KAZN: variants seen among roughly 807,000 people sequenced by gnomAD.
KAZN encodes the protein kazrin.
KAZN carries 40 observed loss-of-function variants against 87.4 expected under a neutral mutation model. That is an observed-to-expected ratio of 0.46 (90% CI 0.36 to 0.60). The LOEUF (loss-of-function observed/expected upper bound fraction) is 0.60. KAZN is among the 20% of genes least tolerant of loss of function. The probability of loss-of-function intolerance (pLI) is 0.00; values close to 1 mark genes in which losing one functional copy is unlikely to be tolerated. For missense variants in KAZN, 898 were observed against 1,073.9 expected (o/e 0.84, Z 2.29); for synonymous variants, 466 against 458.3 (o/e 1.02, Z -0.22).
At chr1:14,924,606 C>T (rs974182339) in intron 1 of KAZN, 5 of 1,000,640 alleles carry the variant, frequency 5.0e-6, no homozygotes, top group Non-Finnish European at 4.8e-6. Context: ...GGGCGGGCGG[C>T]GCGGACACAG....
chr1:14,697,185 C>G (rs1203329366), intron 1 of KAZN, among the ~76,000 whole-genome samples: 1 of 150,214 alleles, frequency 6.7e-6, no homozygotes, highest in Non-Finnish European at 1.5e-5. Flanking sequence ...AATAATTGAC[C>G]AGGCAGGGTG....
At chr1:14,229,898 C>A (rs1647648663) in intron 2 of KAZN, among the ~76,000 whole-genome samples, 1 of 152,270 alleles carries the variant, frequency 6.6e-6, no homozygotes, top group Non-Finnish European at 1.5e-5. Flanking sequence ...CTGCCTCCAG[C>A]AGAGCCATAT....
intron 1 of KAZN, among the ~76,000 whole-genome samples, chr1:14,694,204 C>A (rs898335221): frequency 3.9e-5 from 6 of 152,228 alleles, no homozygotes; most frequent in African/African-American, 7.2e-5. Context: ...TCTCAGCTGA[C>A]CCCTCCACCT....
chr1:13,893,811 C>A, intron 1 of KAZN: 1 of 1,540,890 alleles, frequency 6.5e-7, no homozygotes, highest in Non-Finnish European at 8.8e-7. Flanking sequence ...GAGCGTTATC[C>A]CGGGTCCCCA....
chr1:14,175,610 AAAAG>A (rs1204277661), intron 1 of KAZN, among the ~76,000 whole-genome samples: 10 of 152,332 alleles, frequency 6.6e-5, no homozygotes, highest in African/African-American at 2.4e-4. Flanking sequence ...TAGTGTACGC[AAAAG>A]AAAGAAACAA....
chr1:14,186,573 G>C (rs975091374), intron 2 of KAZN, among the ~76,000 whole-genome samples: 1 of 152,140 alleles, frequency 6.6e-6, no homozygotes, highest in African/African-American at 2.4e-5. Context: ...CTTTGATCAA[G>C]ATTCAAATTC....
At chr1:14,336,155 G>A (rs150330839) in intron 2 of KAZN, among the ~76,000 whole-genome samples, 25 of 152,300 alleles carry the variant, frequency 1.6e-4, no homozygotes, top group African/African-American at 5.3e-4. Context: ...ACCAAAGAAT[G>A]GAGGCTACTA....
At chr1:14,816,577 G>C (rs1022572522) in intron 1 of KAZN, among the ~76,000 whole-genome samples, 5 of 152,132 alleles carry the variant, frequency 3.3e-5, no homozygotes, top group Admixed American at 1.3e-4. Flanking sequence ...GGGTATACAA[G>C]CAAGAGGGAG....
chr1:14,417,011 TACACACACACACACAC>T (rs58667891), intron 2 of KAZN, among the ~76,000 whole-genome samples: 14 of 145,516 alleles, frequency 9.6e-5, no homozygotes, highest in African/African-American at 3.3e-4. Context: ...TATATATATG[TACACACACACACACAC>T]ACACACACAC....
intron 1 of KAZN, chr1:14,692,028 C>A: frequency 4.7e-6 from 1 of 212,970 alleles, no homozygotes. Context: ...TCTTATACTA[C>A]CTGAACACAC....
intron 2 of KAZN, among the ~76,000 whole-genome samples, chr1:14,446,027 C>CAA (rs34266613): frequency 5.4e-4 from 74 of 137,136 alleles, no homozygotes; most frequent in East Asian, 1.5e-3. Flanking sequence ...CCCATCTCTA[C>CAA]AAAAAAAAAA....
intron 2 of KAZN, among the ~76,000 whole-genome samples, chr1:14,965,933 C>G (rs1572938848): frequency 6.6e-6 from 1 of 150,574 alleles, no homozygotes; most frequent in Non-Finnish European, 1.5e-5. Flanking sequence ...ATAATAAATG[C>G]ATTATATGTT....
chr1:14,780,729 T>C (rs77904234), intron 1 of KAZN, among the ~76,000 whole-genome samples: 4,648 of 152,284 alleles, frequency 0.031, 229 homozygotes, highest in African/African-American at 0.1. Flanking sequence ...TGGAATACCA[T>C]GGACACTAAC....
intron 2 of KAZN, among the ~76,000 whole-genome samples, chr1:14,334,978 G>A (rs1657129140): frequency 6.6e-6 from 1 of 152,084 alleles, no homozygotes; most frequent in South Asian, 2.1e-4. Context: ...GATAGATATA[G>A]GCAGACACTG....
intron 2 of KAZN, among the ~76,000 whole-genome samples, chr1:14,419,959 C>T (rs772463343): frequency 2.6e-5 from 4 of 152,258 alleles, no homozygotes; most frequent in South Asian, 2.1e-4. Flanking sequence ...TGGAAGGGAA[C>T]ATTAGGGGAT....
chr1:14,781,627 T>TTAC (rs1276576748), intron 1 of KAZN, among the ~76,000 whole-genome samples: 3 of 152,228 alleles, frequency 2.0e-5, no homozygotes, highest in Non-Finnish European at 4.4e-5. Context: ...GGTTGCAATG[T>TTAC]TACTGACTTA....
chr1:14,488,777 G>A (rs561654063), intron 2 of KAZN, among the ~76,000 whole-genome samples: 18 of 152,216 alleles, frequency 1.2e-4, no homozygotes, highest in South Asian at 4.1e-4. Flanking sequence ...CTTCCCCCAG[G>A]GATCCTTCCC....
At chr1:14,869,680 G>C (rs538671187) in intron 1 of KAZN, among the ~76,000 whole-genome samples, 1 of 152,128 alleles carries the variant, frequency 6.6e-6, no homozygotes, top group Non-Finnish European at 1.5e-5. Context: ...CATGTGCCTC[G>C]TCTCTTGCTA....
chr1:14,625,435 G>C (rs1679063911), intron 1 of KAZN, among the ~76,000 whole-genome samples: 1 of 152,196 alleles, frequency 6.6e-6, no homozygotes, highest in Non-Finnish European at 1.5e-5. Flanking sequence ...TTCTCTGCAA[G>C]TGGAAAATGA....
Sources: gnomAD v4.1 joint callset for allele counts (sites outside exome capture counted in the v4.1 genomes callset) on GRCh38, gnomAD v4.1.1 for gene constraint, MANE v1.5 for transcripts, NCBI Gene and HGNC (gene_info 2026-07-23, HGNC 2026-07-21) for gene names.